LUZP2: variants seen among roughly 807,000 people sequenced by gnomAD.
The protein encoded by LUZP2 is leucine zipper protein 2.
Under a neutral mutation model 51.6 loss-of-function variants are expected in LUZP2, and 52 were observed. The ratio of observed to expected loss-of-function variants is 1.01; its 90% CI spans 0.81 to 1.27. The LOEUF is 1.27. Among genes scored for constraint, LUZP2 ranks in the 50% most tolerant of loss-of-function variants. The probability of loss-of-function intolerance (pLI) is 0.00; values close to 1 mark genes in which losing one functional copy is unlikely to be tolerated. For synonymous variants in LUZP2, 154 were observed against 137.3 expected (o/e 1.12, Z -0.85); for missense variants, 436 against 395.4 (o/e 1.10, Z -0.87).
intron 5 of LUZP2, among the ~76,000 whole-genome samples, chr11:24,857,638 C>A (rs1157743427): frequency 6.6e-6 from 1 of 151,124 alleles, no homozygotes; most frequent in Admixed American, 6.6e-5. Context: ...TAGAGTAGTA[C>A]CTGGTACAGT....
intron 1 of LUZP2, among the ~76,000 whole-genome samples, chr11:24,619,089 C>T (rs1854402019): frequency 6.6e-6 from 1 of 151,944 alleles, no homozygotes; most frequent in Non-Finnish European, 1.5e-5. Flanking sequence ...AGTGCAATGG[C>T]ATGATCGTAG....
intron 1 of LUZP2, among the ~76,000 whole-genome samples, chr11:24,723,374 C>T (rs762390199): frequency 6.6e-6 from 1 of 152,118 alleles, no homozygotes. Context: ...TAGATATATA[C>T]CCAGCATAAA....
rs563790075 is a variant in LUZP2 at position 24,822,025 on chromosome 11, G to GT, written c.396+58728dup. Among the ~76,000 whole-genome samples the GT allele has an allele frequency of 1.7e-3, 242 of 143,132 alleles. 1 individual carries two copies. The highest frequency in any genetic ancestry group is 0.014 in the East Asian group (68 of 4,940). 93.9% of individuals were successfully genotyped at this position (143,132 alleles called of 152,430 possible). On this transcript the variant is annotated intron_variant, in intron 5 of 11. Transcript: ENST00000336930. ...ACAGTTTACTTAATATTATGCAGGG[G>GT]TTTTTTTTTTTGGCCTTTGAATAAT... is the stretch of plus-strand genomic sequence containing the variant.
At chr11:24,786,327 G>A (rs1047899658) in intron 5 of LUZP2, 10 of 981,904 alleles carry the variant, frequency 1.0e-5, no homozygotes, top group Non-Finnish European at 1.1e-5. Flanking sequence ...CGGGAAAAAA[G>A]TAGTCAGAAT....
chr11:24,728,939 T>C (rs1372949821), intron 1 of LUZP2, among the ~76,000 whole-genome samples: 1 of 152,006 alleles, frequency 6.6e-6, no homozygotes, highest in African/African-American at 2.4e-5. Context: ...TGTCTATGTC[T>C]ATGTCATAGA....
intron 5 of LUZP2, among the ~76,000 whole-genome samples, chr11:24,818,260 G>A (rs770328033): frequency 1.9e-4 from 29 of 152,050 alleles, no homozygotes; most frequent in African/African-American, 4.8e-4. Context: ...GACAACAAAC[G>A]TGGTTTCCTC....
intron 5 of LUZP2, among the ~76,000 whole-genome samples, chr11:24,835,084 C>T (rs1481666507): frequency 6.6e-6 from 1 of 152,072 alleles, no homozygotes; most frequent in Non-Finnish European, 1.5e-5. Flanking sequence ...GTAACTAAAA[C>T]AGCATGATAC....
intron 1 of LUZP2, among the ~76,000 whole-genome samples, chr11:24,602,240 ATATG>A (rs1336004617): frequency 2.8e-5 from 4 of 142,756 alleles, no homozygotes; most frequent in Non-Finnish European, 6.2e-5. Flanking sequence ...ATATGTGTAT[ATATG>A]TATATATATG....
In LUZP2 at chr11:24,702,891, C is replaced by G. The variant is rs536389578; in HGVS notation, c.63-26278C>G. ...CAAAGAGAAGGTAATGCCTGTTCAG[C>G]TAGATGGATTTTGCTAGTTAAATGG... On this transcript the variant is annotated intron_variant, in intron 1 of 11. Coordinates refer to ENST00000336930, the MANE Select transcript of LUZP2 (RefSeq NM_001009909.4). Among the ~76,000 whole-genome samples, 82 of 152,218 alleles carry G rather than the reference C, an allele frequency of 5.4e-4. 2 individuals carry two copies. The Middle Eastern group carries it at 0.014, about 25-fold the overall frequency.
At chr11:25,031,013 ATATT>A (rs1565255438) in intron 9 of LUZP2, among the ~76,000 whole-genome samples, 10 of 4,312 alleles carry the variant, frequency 2.3e-3, no homozygotes, top group South Asian at 5.2e-3. Context: ...ATATATATAT[ATATT>A]TTTTTTTTTT....
intron 1 of LUZP2, among the ~76,000 whole-genome samples, chr11:24,527,108 T>C (rs1047702115): frequency 1.3e-5 from 2 of 151,430 alleles, no homozygotes; most frequent in Admixed American, 6.6e-5. Context: ...GGGATTCTCT[T>C]AGCCAGGTTT....
intron 7 of LUZP2, among the ~76,000 whole-genome samples, chr11:24,958,893 C>T (rs2133874972): frequency 6.6e-6 from 1 of 152,274 alleles, no homozygotes; most frequent in East Asian, 1.9e-4. Flanking sequence ...TTAGGTCTAA[C>T]ATTTAAGTCT....
chr11:24,862,918 T>C (rs1466070145), intron 5 of LUZP2, among the ~76,000 whole-genome samples: 3 of 152,222 alleles, frequency 2.0e-5, no homozygotes, highest in African/African-American at 7.2e-5. Context: ...AAATAAGATT[T>C]TTTTAAGAAA....
chr11:24,743,679 A>G (rs540787709), intron 4 of LUZP2, among the ~76,000 whole-genome samples: 6 of 152,088 alleles, frequency 3.9e-5, no homozygotes, highest in Non-Finnish European at 8.8e-5. Flanking sequence ...GATGCCATTT[A>G]TTTCTTTCTC....
At chr11:24,884,141 T>TGTG (rs1236112770) in intron 5 of LUZP2, among the ~76,000 whole-genome samples, 11 of 152,014 alleles carry the variant, frequency 7.2e-5, no homozygotes, top group Non-Finnish European at 1.6e-4. Context: ...CAGTTGGAAC[T>TGTG]CTAAGGAAAA....
At chr11:24,962,765 C>G (rs1326463522) in intron 7 of LUZP2, among the ~76,000 whole-genome samples, 1 of 152,228 alleles carries the variant, frequency 6.6e-6, no homozygotes, top group East Asian at 1.9e-4. Flanking sequence ...CTCAACTCGT[C>G]AAAGTCATTC....
intron 7 of LUZP2, among the ~76,000 whole-genome samples, chr11:24,971,423 C>T (rs1011616941): frequency 1.3e-5 from 2 of 152,002 alleles, no homozygotes; most frequent in Admixed American, 6.6e-5. Flanking sequence ...CTGTGCTGCC[C>T]AGTTCCTAAC....
chr11:24,870,424 C>G (rs1486720), intron 5 of LUZP2, among the ~76,000 whole-genome samples: 22,486 of 151,706 alleles, frequency 0.15, 1,745 homozygotes, highest in African/African-American at 0.17. Context: ...AATCATAGTT[C>G]TCCAGTTATT....
intron 1 of LUZP2, among the ~76,000 whole-genome samples, chr11:24,538,349 A>G (rs1266882956): frequency 1.3e-5 from 2 of 151,856 alleles, no homozygotes; most frequent in Non-Finnish European, 2.9e-5. Flanking sequence ...ATAAAACTAT[A>G]CAATTATAAG....
Sources: gnomAD v4.1 joint callset for allele counts (sites outside exome capture counted in the v4.1 genomes callset) on GRCh38, gnomAD v4.1.1 for gene constraint, MANE v1.5 for transcripts, NCBI Gene and HGNC (gene_info 2026-07-23, HGNC 2026-07-21) for gene names.